MED27: variants seen among roughly 807,000 people sequenced by gnomAD.
The protein encoded by MED27 is mediator of RNA polymerase II transcription subunit 27.
In MED27, 30 loss-of-function variants were observed where a neutral mutation model predicts 38.2. That is an observed-to-expected ratio of 0.79 (90% CI 0.59 to 1.07). MED27 has a LOEUF of 1.07. Among genes scored for constraint, MED27 ranks in the 50% least tolerant of loss-of-function variants. The pLI is 0.00. For synonymous variants in MED27, 122 were observed against 153.5 expected (o/e 0.79, Z 1.52); for missense variants, 289 against 397.5 (o/e 0.73, Z 2.32).
chr9:132,048,020 G>A (rs1024026107), intron 2 of MED27, among the ~76,000 whole-genome samples: 2 of 152,144 alleles, frequency 1.3e-5, no homozygotes, highest in African/African-American at 4.8e-5. Context: ...GCCAAGGTCT[G>A]ATCGCAAAAA....
intron 3 of MED27, among the ~76,000 whole-genome samples, chr9:132,000,752 ATT>A (rs35552801): frequency 9.1e-5 from 13 of 142,900 alleles, no homozygotes; most frequent in African/African-American, 1.5e-4. Flanking sequence ...TTAAAAAAAA[ATT>A]TTTTTTTTTT....
At chr9:132,028,573 C>A (rs1023792512) in intron 2 of MED27, among the ~76,000 whole-genome samples, 3 of 151,920 alleles carry the variant, frequency 2.0e-5, no homozygotes, top group Admixed American at 6.5e-5. Flanking sequence ...GACCTATATA[C>A]CCTGCCTACA....
intron 2 of MED27, among the ~76,000 whole-genome samples, chr9:132,053,852 C>T (rs1273691166): frequency 6.6e-6 from 1 of 151,796 alleles, no homozygotes; most frequent in South Asian, 2.1e-4. Flanking sequence ...CAGGGGAACA[C>T]TGTTTCTCAT....
intron 2 of MED27, among the ~76,000 whole-genome samples, chr9:132,066,271 C>A (rs1232212711): frequency 6.6e-6 from 1 of 152,222 alleles, no homozygotes; most frequent in African/African-American, 2.4e-5. Context: ...GGAAAGAATG[C>A]ATTCGCAAAA....
Position 132,014,436 on chromosome 9 carries a change from A to G in MED27, c.380T>C (p.Leu127Pro). The G allele has an allele frequency of 6.2e-7, 1 of 1,614,130 alleles. No individual in the cohort carries two copies. Among genetic ancestry groups the G allele is most frequent in the Non-Finnish European group, 8.5e-7 (1 of 1,179,994 alleles). The part of the protein sequence containing the change: ...LQYHAGLASG[L>P]LNQQSLKRSA... ...ACGCTTCAATGACTGCTGATTTAAA[A>G]GGCCAGATGCTAGTCCTGCATGGTA... The change falls in exon 3 of 8, where the codon CTT (leucine) becomes CCT (proline). Residue 127 changes from leucine (L) to proline (P), a missense_variant. Transcript: ENST00000292035.
chr9:131,974,981 C>T (rs1831572992), intron 3 of MED27, among the ~76,000 whole-genome samples: 1 of 152,174 alleles, frequency 6.6e-6, no homozygotes, highest in African/African-American at 2.4e-5. Context: ...TTCGATGGAA[C>T]CTAAGTGATT....
At chr9:131,907,651 A>G (rs1325059235) in intron 4 of MED27, among the ~76,000 whole-genome samples, 25 of 150,464 alleles carry the variant, frequency 1.7e-4, no homozygotes, top group Admixed American at 3.3e-4. Flanking sequence ...CCGTCTGGGA[A>G]GTGAGGAGCG....
At chr9:131,984,076 T>A (rs1251424220) in intron 3 of MED27, among the ~76,000 whole-genome samples, 1 of 152,206 alleles carries the variant, frequency 6.6e-6, no homozygotes, top group Non-Finnish European at 1.5e-5. Context: ...TGTGTTGCTC[T>A]GTCTGGGACA....
At position 132,055,391 on chromosome 9, in the gene MED27, G is replaced by C. The variant is rs75718303; in HGVS notation, c.348+22051C>G. ...CTCTGCAGGCCTAAGCCCAGATGGA[G>C]CTTTTGTAAGTCCTCCACAATGGAC... On this transcript the variant is annotated intron_variant, in intron 2 of 7. Transcript: ENST00000292035. Among the ~76,000 whole-genome samples, 1,042 of 152,280 alleles carry C rather than the reference G, an allele frequency of 6.8e-3. 15 individuals carry two copies. Among genetic ancestry groups the C allele is most frequent in the African/African-American group, 0.024 (994 of 41,558 alleles).
chr9:131,946,357 G>A (rs546238794), intron 3 of MED27, among the ~76,000 whole-genome samples: 2 of 152,262 alleles, frequency 1.3e-5, no homozygotes, highest in South Asian at 4.1e-4. Context: ...CTAATTTGCA[G>A]TTCCATCAAC....
chr9:131,984,165 C>T (rs546665829), intron 3 of MED27, among the ~76,000 whole-genome samples: 2 of 152,260 alleles, frequency 1.3e-5, no homozygotes, highest in African/African-American at 2.4e-5. Context: ...TTTCCCTGAC[C>T]GTTCTTTTTA....
intron 3 of MED27, among the ~76,000 whole-genome samples, chr9:131,973,648 C>T (rs113248718): frequency 0.025 from 3,856 of 151,754 alleles, 82 homozygotes; most frequent in Middle Eastern, 0.12. Context: ...AAGGGAGCAG[C>T]CGGAGGAAGA....
chr9:132,064,261 T>C (rs930283471), intron 2 of MED27, among the ~76,000 whole-genome samples: 1 of 152,110 alleles, frequency 6.6e-6, no homozygotes, highest in Non-Finnish European at 1.5e-5. Flanking sequence ...GAACCCAGCA[T>C]ACCCGGAGGA....
chr9:131,965,612 T>TC (rs1564303094), intron 3 of MED27, among the ~76,000 whole-genome samples: 4 of 152,322 alleles, frequency 2.6e-5, no homozygotes, highest in Admixed American at 1.3e-4. Flanking sequence ...CTGTCACTTA[T>TC]GGTTCAGAGC....
intron 6 of MED27, chr9:131,868,888 G>A: frequency 1.0e-6 from 1 of 985,486 alleles, no homozygotes; most frequent in African/African-American, 1.7e-5. Context: ...CTCAAGGGTA[G>A]CACGAACTGA....
At chr9:132,019,037 G>C (rs1006913117) in intron 2 of MED27, among the ~76,000 whole-genome samples, 1 of 152,132 alleles carries the variant, frequency 6.6e-6, no homozygotes, top group Non-Finnish European at 1.5e-5. Flanking sequence ...AGATCAAGGG[G>C]GTAGGGAGCC....
intron 4 of MED27, among the ~76,000 whole-genome samples, chr9:131,897,890 T>G (rs1829861249): frequency 6.6e-6 from 1 of 152,216 alleles, no homozygotes; most frequent in South Asian, 2.1e-4. Flanking sequence ...ACAATGTGAC[T>G]GGTTGACATG....
At chr9:132,047,967 T>TACTGCTC (rs1833378672) in intron 2 of MED27, among the ~76,000 whole-genome samples, 1 of 152,126 alleles carries the variant, frequency 6.6e-6, no homozygotes, top group Admixed American at 6.5e-5. Flanking sequence ...ATTGGAACAC[T>TACTGCTC]AAGCATGTGG....
At chr9:131,920,720 G>A (rs1452672073) in intron 4 of MED27, among the ~76,000 whole-genome samples, 3 of 152,166 alleles carry the variant, frequency 2.0e-5, no homozygotes, top group Non-Finnish European at 4.4e-5. Flanking sequence ...TGAAGACTAG[G>A]AGGAATGGGG....
Sources: allele counts gnomAD v4.1 joint callset (sites outside exome capture counted in the v4.1 genomes callset), GRCh38; gene constraint gnomAD v4.1.1; transcripts MANE v1.5; gene names NCBI Gene and HGNC (gene_info 2026-07-23, HGNC 2026-07-21).